PXDNL: variants seen among roughly 807,000 people sequenced by gnomAD.
The protein encoded by PXDNL is peroxidasin like.
Under a neutral mutation model 150.8 loss-of-function variants are expected in PXDNL, and 145 were observed. The observed-to-expected ratio is 0.96, with a 90% CI of 0.84 to 1.10. The LOEUF (loss-of-function observed/expected upper bound fraction) is 1.10. Ranked by LOEUF, PXDNL falls within the 50% of genes least tolerant of loss-of-function variation. The pLI is 0.00. For missense variants in PXDNL, 2,087 were observed against 1,873.9 expected (o/e 1.11, Z -2.10); for synonymous variants, 757 against 725.7 (o/e 1.04, Z -0.69).
chr8:51,804,921 A>T (rs1484491800), intron 1 of PXDNL, among the ~76,000 whole-genome samples: 1 of 151,586 alleles, frequency 6.6e-6, no homozygotes, highest in African/African-American at 2.4e-5. Flanking sequence ...TACCTCCTCA[A>T]GCTGTCACCT....
At chr8:51,592,947 A>C (rs1006883929) in intron 2 of PXDNL, among the ~76,000 whole-genome samples, 8 of 152,206 alleles carry the variant, frequency 5.3e-5, no homozygotes, top group Non-Finnish European at 1.2e-4. Context: ...CAACACTGCA[A>C]CCCAGAGGTA....
intron 17 of PXDNL, among the ~76,000 whole-genome samples, chr8:51,377,144 AAAGC>A (rs1807347080): frequency 6.8e-6 from 1 of 146,188 alleles, no homozygotes; most frequent in Non-Finnish European, 1.5e-5. Context: ...ACACACACAC[AAAGC>A]CAAAGCCATT....
At chr8:51,636,674 G>A (rs180724713) in intron 2 of PXDNL, among the ~76,000 whole-genome samples, 1 of 152,144 alleles carries the variant, frequency 6.6e-6, no homozygotes, top group African/African-American at 2.4e-5. Context: ...ATTGCTAAAA[G>A]AATAAGGAAG....
At chr8:51,770,372 G>A (rs185357632) in intron 1 of PXDNL, among the ~76,000 whole-genome samples, 492 of 152,334 alleles carry the variant, frequency 3.2e-3, no homozygotes, top group Non-Finnish European at 5.8e-3. Context: ...GGCCTTCATG[G>A]AGCTAATAGT....
intron 3 of PXDNL, among the ~76,000 whole-genome samples, chr8:51,577,230 G>A (rs1300327358): frequency 6.6e-6 from 1 of 151,438 alleles, no homozygotes; most frequent in East Asian, 1.9e-4. Flanking sequence ...TCATGAATAT[G>A]GATACACAAA....
chr8:51,496,644 CA>C (rs1176930617), intron 5 of PXDNL, among the ~76,000 whole-genome samples: 2 of 152,122 alleles, frequency 1.3e-5, no homozygotes, highest in Admixed American at 1.3e-4. Context: ...ACACCAATAA[CA>C]GACAAACAGA....
At chr8:51,515,641 C>T (rs1383042837) in intron 4 of PXDNL, among the ~76,000 whole-genome samples, 1 of 152,222 alleles carries the variant, frequency 6.6e-6, no homozygotes, top group Non-Finnish European at 1.5e-5. Context: ...TCAGCCTCCT[C>T]CCACAGGGGA....
chr8:51,734,733 C>T (rs1042309278), intron 1 of PXDNL, among the ~76,000 whole-genome samples: 1 of 152,074 alleles, frequency 6.6e-6, no homozygotes, highest in Non-Finnish European at 1.5e-5. Flanking sequence ...TTAAAACCTC[C>T]AAGGAAAATT....
chr8:51,525,596 G>A (rs1811754414), intron 4 of PXDNL, among the ~76,000 whole-genome samples: 2 of 152,258 alleles, frequency 1.3e-5, no homozygotes, highest in East Asian at 1.9e-4. Context: ...AGTCCAAAAT[G>A]CTGGACAAAA....
rs1809964363 is a variant in PXDNL at position 51,457,572 on chromosome 8, T to TA, written c.907dup (p.Tyr303LeufsTer101). On this transcript the variant is annotated frameshift_variant, in exon 9 of 23. Coordinates refer to ENST00000356297, the MANE Select transcript of PXDNL (RefSeq NM_144651.5). LOFTEE classifies it high-confidence loss of function. ...AGCGGAATTTCTGGCCATGCACTGA[T>TA]AGACACCTTGGTCTGACTCTCTGGT... is the stretch of plus-strand genomic sequence containing the variant. 3 of 1,613,788 alleles carry TA rather than the reference T, an allele frequency of 1.9e-6. No individual in the cohort carries two copies. The highest frequency in any genetic ancestry group is 2.2e-5 in the East Asian group (1 of 44,880).
At chr8:51,448,441 A>T (rs1270497304) in intron 11 of PXDNL, among the ~76,000 whole-genome samples, 1 of 152,046 alleles carries the variant, frequency 6.6e-6, no homozygotes, top group Non-Finnish European at 1.5e-5. Context: ...GCGGTGGCTC[A>T]CTCCTGCAAT....
chr8:51,405,453 A>G (rs1808411254), intron 17 of PXDNL, among the ~76,000 whole-genome samples: 1 of 152,188 alleles, frequency 6.6e-6, no homozygotes, highest in African/African-American at 2.4e-5. Flanking sequence ...GCGGGGCTCA[A>G]GATACATCTT....
chr8:51,378,780 T>C (rs1336856819), intron 17 of PXDNL, among the ~76,000 whole-genome samples: 8 of 149,388 alleles, frequency 5.4e-5, no homozygotes, highest in African/African-American at 1.8e-4. Flanking sequence ...TAACACTCAC[T>C]GCGAAGGTCT....
chr8:51,398,859 T>C (rs1010967135), intron 17 of PXDNL, among the ~76,000 whole-genome samples: 1 of 152,224 alleles, frequency 6.6e-6, no homozygotes, highest in African/African-American at 2.4e-5. Flanking sequence ...AAAGCCACTA[T>C]TATACATGTA....
At chr8:51,778,788 G>T (rs2037382597) in intron 1 of PXDNL, among the ~76,000 whole-genome samples, 1 of 152,134 alleles carries the variant, frequency 6.6e-6, no homozygotes, top group Non-Finnish European at 1.5e-5. Flanking sequence ...TAACTGCTAT[G>T]TCTTCTTTTT....
intron 3 of PXDNL, among the ~76,000 whole-genome samples, chr8:51,567,588 A>T (rs907983548): frequency 1.3e-5 from 2 of 151,676 alleles, no homozygotes; most frequent in Admixed American, 1.3e-4. Context: ...TAGCTATTCT[A>T]GTTTTCTTTT....
chr8:51,372,712 T>G (rs1797532313), intron 18 of PXDNL, among the ~76,000 whole-genome samples: 1 of 152,198 alleles, frequency 6.6e-6, no homozygotes, highest in Admixed American at 6.5e-5. Flanking sequence ...TTCCATGAAC[T>G]AACCTTAGAA....
chr8:51,598,774 G>T (rs573699304), intron 2 of PXDNL, among the ~76,000 whole-genome samples: 1 of 151,972 alleles, frequency 6.6e-6, no homozygotes, highest in South Asian at 2.1e-4. Flanking sequence ...ATGGAAAGGT[G>T]CCTCCTCGAT....
At chr8:51,619,909 A>G (rs1814208567) in intron 2 of PXDNL, among the ~76,000 whole-genome samples, 1 of 152,082 alleles carries the variant, frequency 6.6e-6, no homozygotes, top group Non-Finnish European at 1.5e-5. Flanking sequence ...CATCAAACCT[A>G]GGCATAAAAA....
Sources: gnomAD v4.1 joint callset for allele counts (sites outside exome capture counted in the v4.1 genomes callset) on GRCh38, gnomAD v4.1.1 for gene constraint, MANE v1.5 for transcripts, NCBI Gene and HGNC (gene_info 2026-07-23, HGNC 2026-07-21) for gene names.